FSTL5: variants seen among roughly 807,000 people sequenced by gnomAD.
FSTL5 encodes the protein follistatin like 5.
Under a neutral mutation model 89.1 loss-of-function variants are expected in FSTL5, and 62 were observed. The ratio of observed to expected loss-of-function variants is 0.70; its 90% CI spans 0.57 to 0.86. The LOEUF (loss-of-function observed/expected upper bound fraction) is 0.86. Ranked by LOEUF, FSTL5 falls within the 40% of genes least tolerant of loss-of-function variation. The pLI is 0.00. For synonymous variants in FSTL5, 383 were observed against 346.2 expected (o/e 1.11, Z -1.18); for missense variants, 1,057 against 1,001.6 (o/e 1.06, Z -0.75).
intron 2 of FSTL5, among the ~76,000 whole-genome samples, chr4:162,078,426 AT>A (rs1729954736): frequency 6.6e-6 from 1 of 151,810 alleles, no homozygotes; most frequent in Non-Finnish European, 1.5e-5. Context: ...TTATGTTGCC[AT>A]TTGGAAGGAA....
intron 6 of FSTL5, among the ~76,000 whole-genome samples, chr4:161,721,072 A>T (rs1739188158): frequency 6.6e-6 from 1 of 151,686 alleles, no homozygotes. Flanking sequence ...AGGTCAGGAG[A>T]TCGAGACCAT....
At chr4:161,448,681 G>A (rs1004195468) in intron 15 of FSTL5, among the ~76,000 whole-genome samples, 2 of 152,056 alleles carry the variant, frequency 1.3e-5, no homozygotes, top group African/African-American at 2.4e-5. Flanking sequence ...TACTTCATCC[G>A]TGTAGTAGAG....
At chr4:161,419,585 G>A (rs1731912387) in intron 15 of FSTL5, among the ~76,000 whole-genome samples, 2 of 152,086 alleles carry the variant, frequency 1.3e-5, no homozygotes, top group African/African-American at 4.8e-5. Context: ...CTTGTTCTGA[G>A]AATCTAATCT....
At chr4:161,725,675 A>G (rs1382375786) in intron 6 of FSTL5, among the ~76,000 whole-genome samples, 3 of 152,150 alleles carry the variant, frequency 2.0e-5, no homozygotes, top group Non-Finnish European at 4.4e-5. Flanking sequence ...TAAAAGAGTC[A>G]ATTCTTTAAT....
At chr4:161,698,886 G>A (rs886730332) in intron 6 of FSTL5, among the ~76,000 whole-genome samples, 5 of 152,116 alleles carry the variant, frequency 3.3e-5, no homozygotes, top group Non-Finnish European at 7.4e-5. Flanking sequence ...GGAGGCGGAG[G>A]TTGCAGTGAG....
intron 4 of FSTL5, among the ~76,000 whole-genome samples, chr4:161,886,967 C>T (rs1364294197): frequency 2.0e-5 from 3 of 152,066 alleles, no homozygotes; most frequent in East Asian, 1.9e-4. Flanking sequence ...ATTTTTCAAG[C>T]TTGGTCAACT....
chr4:161,569,137 C>A (rs1318827045), intron 8 of FSTL5, among the ~76,000 whole-genome samples: 1 of 152,196 alleles, frequency 6.6e-6, no homozygotes. Flanking sequence ...CATACGTGTG[C>A]ATTACCATGC....
intron 5 of FSTL5, among the ~76,000 whole-genome samples, chr4:161,773,402 C>T (rs572229509): frequency 1.9e-4 from 29 of 152,180 alleles, no homozygotes; most frequent in African/African-American, 6.7e-4. Context: ...ACAGAGTAAA[C>T]AGACAACCCA....
chr4:161,776,199 T>C (rs908723538), intron 4 of FSTL5, 125 bp from the exon 5 acceptor site: 8 of 515,526 alleles, frequency 1.6e-5, no homozygotes, highest in Non-Finnish European at 2.5e-5. Flanking sequence ...TTCTGGTGTT[T>C]TACGATTTAC....
chr4:161,417,065 T>C (rs943476083), intron 15 of FSTL5, among the ~76,000 whole-genome samples: 1 of 152,178 alleles, frequency 6.6e-6, no homozygotes, highest in African/African-American at 2.4e-5. Context: ...TATTAATTTG[T>C]CTATGGTAAA....
chr4:161,851,252 T>A (rs184651468), intron 4 of FSTL5, among the ~76,000 whole-genome samples: 1 of 152,220 alleles, frequency 6.6e-6, no homozygotes, highest in Non-Finnish European at 1.5e-5. Flanking sequence ...TGACACCATC[T>A]TTCTCTTTTA....
chr4:161,635,564 A>T (rs922565306), intron 7 of FSTL5, among the ~76,000 whole-genome samples: 6 of 152,322 alleles, frequency 3.9e-5, no homozygotes, highest in South Asian at 4.1e-4. Flanking sequence ...ATAAACTTAT[A>T]CATATCTGTT....
chr4:161,853,178 T>G (rs556954902), intron 4 of FSTL5, among the ~76,000 whole-genome samples: 34 of 152,358 alleles, frequency 2.2e-4, no homozygotes, highest in African/African-American at 5.5e-4. Context: ...AGTATCAGTA[T>G]AATATAATTC....
In FSTL5 at chr4:161,887,067, T is replaced by A. The variant is rs199689976; in HGVS notation, c.409+33337A>T. On this transcript the variant is annotated intron_variant, in intron 4 of 15. Transcript: ENST00000306100. ...TGCAATATTTAATGGTTCTGAAGAA[T>A]GTCTGTGTAACAAATTCTCAAATCT... 7.9e-5 allele frequency among the ~76,000 whole-genome samples: 12 copies of A among 152,296 alleles called. No individual in the cohort carries two copies. The East Asian group carries it at 2.3e-3, about 29-fold the overall frequency.
Position 161,481,041 on chromosome 4 carries a change from C to G in FSTL5, c.1587G>C (p.Val529=). 1.2e-6 allele frequency: 2 copies of G among 1,611,042 alleles called. No individual in the cohort carries two copies. Among genetic ancestry groups the G allele is most frequent in the Non-Finnish European group, 1.7e-6 (2 of 1,178,712 alleles). The change falls in exon 13 of 16, where the codon GTG becomes GTC. Residue 529 remains valine, a synonymous_variant. Coordinates refer to ENST00000306100, the MANE Select transcript of FSTL5 (RefSeq NM_020116.5). ...PTLDRVLIVD[V]QSQKVVQAVS... Reference sequence around the variant, plus strand: ...ATACCTGAACAACTTTTTGGGACTGCACATCAACAATAAGGACTCTGTCCA... The same window carrying G: ...ATACCTGAACAACTTTTTGGGACTGGACATCAACAATAAGGACTCTGTCCA...
At chr4:161,825,931 G>T (rs1455160634) in intron 4 of FSTL5, among the ~76,000 whole-genome samples, 2 of 151,684 alleles carry the variant, frequency 1.3e-5, no homozygotes, top group African/African-American at 4.8e-5. Context: ...TTTGTCTTTG[G>T]TTTGTTTTTA....
At chr4:162,080,092 G>A (rs924152830) in intron 2 of FSTL5, among the ~76,000 whole-genome samples, 3 of 151,440 alleles carry the variant, frequency 2.0e-5, no homozygotes, top group Admixed American at 1.3e-4. Context: ...TACTTCACAT[G>A]AGCCTTTAAC....
At chr4:161,392,381 A>G (rs570390028) in intron 15 of FSTL5, among the ~76,000 whole-genome samples, 20 of 152,080 alleles carry the variant, frequency 1.3e-4, no homozygotes, top group Admixed American at 7.9e-4. Context: ...CATATACCAC[A>G]TGCCTTGCTA....
chr4:161,432,410 G>A (rs1042087264), intron 15 of FSTL5, among the ~76,000 whole-genome samples: 2 of 151,998 alleles, frequency 1.3e-5, no homozygotes, highest in Admixed American at 6.6e-5. Context: ...TGGAACAAAT[G>A]ATAATGAAAA....
Sources: gnomAD v4.1 joint callset for allele counts (sites outside exome capture counted in the v4.1 genomes callset) on GRCh38, gnomAD v4.1.1 for gene constraint, MANE v1.5 for transcripts, NCBI Gene and HGNC (gene_info 2026-07-23, HGNC 2026-07-21) for gene names.